Variants in KCNK12 observed in about 807,000 individuals in gnomAD.
KCNK12 encodes the protein potassium channel subfamily K member 12.
A neutral mutation model predicts 25.3 loss-of-function variants in KCNK12; 6 were observed. That is an observed-to-expected ratio of 0.24 (90% CI 0.13 to 0.47). The LOEUF is 0.47. KCNK12 is among the 20% of genes least tolerant of loss of function. The probability of loss-of-function intolerance (pLI) is 0.99; values close to 1 mark genes in which losing one functional copy is unlikely to be tolerated. For missense variants in KCNK12, 444 were observed against 661.7 expected, an observed-to-expected ratio of 0.67 and a Z score of 3.61; for synonymous variants, 331 against 311.1, an observed-to-expected ratio of 1.06 and a Z score of -0.67.
intron 1 of KCNK12, among the ~76,000 whole-genome samples, chr2:47,527,371 C>G (rs1668806305): frequency 6.6e-6 from 1 of 152,202 alleles, no homozygotes; most frequent in Non-Finnish European, 1.5e-5. Flanking sequence ...AGACTCATAA[C>G]CTCCCCGTGG....
chr2:47,560,786 C>T lies in KCNK12; in HGVS notation c.391+9155G>A, dbSNP rs1440363478. 1.3e-5 allele frequency among the ~76,000 whole-genome samples: 2 copies of T among 152,180 alleles called. No homozygotes were observed. Among genetic ancestry groups the T allele is most frequent in the Admixed American group, 1.3e-4 (2 of 15,270 alleles). On this transcript the variant is annotated intron_variant, in intron 1 of 1. Coordinates refer to ENST00000327876, the MANE Select transcript of KCNK12 (RefSeq NM_022055.2). The surrounding 1 kb of genome is among the most constrained non-coding windows in gnomAD (Gnocchi z 4.7). ...TCAATCAGGGAGACCAACAATGCCT[C>T]AGTTATCCCCCTCACTCCCCAGAAC...
intron 1 of KCNK12, among the ~76,000 whole-genome samples, chr2:47,554,924 A>G (rs1415422303): frequency 6.6e-6 from 1 of 152,130 alleles, no homozygotes; most frequent in African/African-American, 2.4e-5. Context: ...GATGAATTGG[A>G]TATGAAAGTT....
chr2:47,539,318 T>C (rs1028511946), intron 1 of KCNK12, among the ~76,000 whole-genome samples: 2 of 152,262 alleles, frequency 1.3e-5, no homozygotes, highest in African/African-American at 4.8e-5. Context: ...GTTTGTGTTT[T>C]GTTCATAGTG....
chr2:47,546,701 A>C (rs1669321433), intron 1 of KCNK12, among the ~76,000 whole-genome samples: 1 of 152,148 alleles, frequency 6.6e-6, no homozygotes, highest in Admixed American at 6.6e-5. Context: ...TGATTATTTA[A>C]TTACCTCAAT....
Position 47,540,340 on chromosome 2 carries a change from G to A in KCNK12, c.392-18532C>T, listed in dbSNP as rs910892362. Among the ~76,000 whole-genome samples the A allele has an allele frequency of 6.6e-6, 1 of 152,218 alleles. No homozygotes were observed. Among genetic ancestry groups the A allele is most frequent in the African/African-American group, 2.4e-5 (1 of 41,448 alleles). On this transcript the variant is annotated intron_variant, in intron 1 of 1. Transcript: ENST00000327876. This position sits in a 1 kb window ranked among gnomAD's most constrained non-coding sequence, Gnocchi z 5.4. ...GGTGTAGTCACTGTGCCAGGGGGCTGAGTGTCCGGCCTGGGACGTGAGAGG... is the reference window on the plus strand; with the variant it reads ...GGTGTAGTCACTGTGCCAGGGGGCTAAGTGTCCGGCCTGGGACGTGAGAGG...
Position 47,548,632 on chromosome 2 carries a change from G to A in KCNK12, c.391+21309C>T, listed in dbSNP as rs774804411. On this transcript the variant is annotated intron_variant, in intron 1 of 1. Coordinates refer to ENST00000327876, the MANE Select transcript of KCNK12 (RefSeq NM_022055.2). This position sits in a 1 kb window ranked among gnomAD's most constrained non-coding sequence, Gnocchi z 4.4. ...GACTTTCGCTTCAGGCCACGAGGGC[G>A]TAGCTGAATCCAGACTTCCCTCCCA... Among the ~76,000 whole-genome samples the A allele has an allele frequency of 6.6e-6, 1 of 152,214 alleles. No individual in the cohort carries two copies. Among genetic ancestry groups the A allele is most frequent in the African/African-American group, 2.4e-5 (1 of 41,450 alleles).
In KCNK12 at chr2:47,512,757, G is replaced by C. The variant is rs780803345; in HGVS notation, c.*8150C>G. The C allele has an allele frequency of 4.3e-6, 1 of 230,056 alleles. No individual in the cohort carries two copies. Among genetic ancestry groups the C allele is most frequent in the Admixed American group, 5.1e-5 (1 of 19,520 alleles). 14.3% of individuals were successfully genotyped at this position (230,056 alleles called of 1,614,324 possible). Reference sequence around the variant, plus strand: ...TCCAAACAGGTTTACCACTGGGAGAGCCTGTTGGTTGGGGAGGGCAGGAAG... The same window carrying C: ...TCCAAACAGGTTTACCACTGGGAGACCCTGTTGGTTGGGGAGGGCAGGAAG... On this transcript the variant is annotated 3_prime_UTR_variant, in exon 2 of 2. Coordinates refer to ENST00000327876, the MANE Select transcript of KCNK12 (RefSeq NM_022055.2).
Position 47,512,218 on chromosome 2 carries a change from C to T in KCNK12, c.*8689G>A. The stretch of plus-strand genomic sequence containing the variant: ...CAAACTGTCTAAGCTGGGTCAGGTA[C>T]TCTGCAGATGTTTGCTGAGTATCGT... On this transcript the variant is annotated 3_prime_UTR_variant, in exon 2 of 2. Coordinates refer to ENST00000327876, the MANE Select transcript of KCNK12 (RefSeq NM_022055.2). 6.6e-7 allele frequency: 1 copy of T among 1,516,052 alleles called. No homozygotes were observed. The highest frequency in any genetic ancestry group is 9.0e-7 in the Non-Finnish European group (1 of 1,114,668). 93.9% of individuals were successfully genotyped at this position (1,516,052 alleles called of 1,614,324 possible).
At position 47,518,414 on chromosome 2, in the gene KCNK12, C is replaced by G. The variant is rs1220888190; in HGVS notation, c.*2493G>C. 3 of 152,234 alleles carry G rather than the reference C, an allele frequency of 2.0e-5. No homozygotes were observed. Among genetic ancestry groups the G allele is most frequent in the Non-Finnish European group, 4.4e-5 (3 of 68,058 alleles). The allele number at this position is 152,234 out of a possible 1,614,324, so 9.4% of individuals were successfully genotyped here. A position where few individuals can be genotyped will look rare whatever the true frequency, so the allele number is the denominator to read the frequency against. ...CTTACCATTCCTTTAGAAGATTGCT[C>G]AAGCTGCCTCCAATTGCCTCTTTCC... On this transcript the variant is annotated 3_prime_UTR_variant, in exon 2 of 2. Coordinates refer to ENST00000327876, the MANE Select transcript of KCNK12 (RefSeq NM_022055.2). The surrounding 1 kb of genome is among the most constrained non-coding windows in gnomAD (Gnocchi z 4.1).
chr2:47,562,851 G>A lies in KCNK12; in HGVS notation c.391+7090C>T, dbSNP rs80124012. ...TGTCTCTTAAAAAAACTTTGGTGAG[G>A]ATCAGAGGCTGGACTCTGCCCAAAG... On this transcript the variant is annotated intron_variant, in intron 1 of 1. Coordinates refer to ENST00000327876, the MANE Select transcript of KCNK12 (RefSeq NM_022055.2). This position sits in a 1 kb window ranked among gnomAD's most constrained non-coding sequence, Gnocchi z 4.8. 4,642 of 233,178 alleles carry A rather than the reference G, an allele frequency of 0.02. 251 individuals carry two copies. Among genetic ancestry groups the A allele is most frequent in the East Asian group, 0.16 (2,703 of 16,562 alleles). 14.4% of individuals were successfully genotyped at this position (233,178 alleles called of 1,614,324 possible). A position where few individuals can be genotyped will look rare whatever the true frequency, so the allele number is the denominator to read the frequency against.
intron 1 of KCNK12, among the ~76,000 whole-genome samples, chr2:47,536,436 C>T (rs1669068443): frequency 6.6e-6 from 1 of 152,180 alleles, no homozygotes. Context: ...TGCTAAATTC[C>T]CAACAGAACT....
rs1389596351 is a variant in KCNK12 at position 47,547,991 on chromosome 2, A to T, written c.391+21950T>A. ...GGTGGATTTCCCCCTTGCCGTTCTC[A>T]TGATAGTAAGTTCTCATGAGATCTG... On this transcript the variant is annotated intron_variant, in intron 1 of 1. Coordinates refer to ENST00000327876, the MANE Select transcript of KCNK12 (RefSeq NM_022055.2). This position sits in a 1 kb window ranked among gnomAD's most constrained non-coding sequence, Gnocchi z 5.0. Among the ~76,000 whole-genome samples the T allele has an allele frequency of 6.6e-6, 1 of 152,094 alleles. No homozygotes were observed.
At position 47,512,201 on chromosome 2, in the gene KCNK12, C is replaced by T; in HGVS notation, c.*8706G>A. 1 of 1,396,570 alleles carries T rather than the reference C, an allele frequency of 7.2e-7. No individual in the cohort carries two copies. The highest frequency in any genetic ancestry group is 9.7e-7 in the Non-Finnish European group (1 of 1,027,570). The allele number at this position is 1,396,570 out of a possible 1,614,324, so 86.5% of individuals were successfully genotyped here. On this transcript the variant is annotated 3_prime_UTR_variant, in exon 2 of 2. Transcript: ENST00000327876. ...GAGAAAAAAGAATTGAACAAACTGT[C>T]TAAGCTGGGTCAGGTACTCTGCAGA...
At position 47,528,049 on chromosome 2, in the gene KCNK12, G is replaced by T. The variant is rs1668826399; in HGVS notation, c.392-6241C>A. 6.6e-6 allele frequency among the ~76,000 whole-genome samples: 1 copy of T among 152,184 alleles called. No homozygotes were observed. Among genetic ancestry groups the T allele is most frequent in the African/African-American group, 2.4e-5 (1 of 41,448 alleles). ...GACAGGGCGCATATAGTCTGGGCCA[G>T]AACTTGTCCTGGGGTCTTCTTACGG... On this transcript the variant is annotated intron_variant, in intron 1 of 1. Transcript: ENST00000327876. This position sits in a 1 kb window ranked among gnomAD's most constrained non-coding sequence, Gnocchi z 4.5.
chr2:47,546,906 G>A (rs934276180), intron 1 of KCNK12, among the ~76,000 whole-genome samples: 1 of 151,974 alleles, frequency 6.6e-6, no homozygotes, highest in Non-Finnish European at 1.5e-5. Context: ...ACAGCTCAGA[G>A]GGAGTACAGC....
rs1199017747 is a variant in KCNK12, at chr2:47,565,324, A to C, written c.391+4617T>G. On this transcript the variant is annotated intron_variant, in intron 1 of 1. Transcript: ENST00000327876. This position sits in a 1 kb window ranked among gnomAD's most constrained non-coding sequence, Gnocchi z 5.0. ...AATGTGGTAGTGACATTTTGGGCTT[A>C]TAATGTCTTAGTTTCCTTTGTAGCA... The C allele has an allele frequency of 6.6e-6, 1 of 152,236 alleles. No individual in the cohort carries two copies. Among genetic ancestry groups the C allele is most frequent in the African/African-American group, 2.4e-5 (1 of 41,458 alleles). 9.4% of individuals were successfully genotyped at this position (152,236 alleles called of 1,614,324 possible).
chr2:47,543,141 G>T (rs1418885165), intron 1 of KCNK12, among the ~76,000 whole-genome samples: 1 of 152,030 alleles, frequency 6.6e-6, no homozygotes, highest in African/African-American at 2.4e-5. Context: ...TTGAGCAGAT[G>T]TATCAACGTA....
At chr2:47,535,348 C>G (rs957474371) in intron 1 of KCNK12, 7 of 233,290 alleles carry the variant, frequency 3.0e-5, no homozygotes, top group African/African-American at 4.4e-5. Flanking sequence ...ATGGGTCTCT[C>G]TCTCTTTTCA....
chr2:47,521,823 C>T lies in KCNK12; in HGVS notation c.392-15G>A. 1 of 1,503,322 alleles carries T rather than the reference C, an allele frequency of 6.7e-7. No homozygotes were observed. The highest frequency in any genetic ancestry group is 8.8e-7 in the Non-Finnish European group (1 of 1,131,132). 93.1% of individuals were successfully genotyped at this position (1,503,322 alleles called of 1,614,324 possible). On this transcript the variant is annotated splice_polypyrimidine_tract_variant and intron_variant, in intron 1 of 1. Coordinates refer to ENST00000327876, the MANE Select transcript of KCNK12 (RefSeq NM_022055.2). Reference sequence around the variant, plus strand: ...CATGCCGAAACCTGTGGAGACAGGGCAGGGTCAGCGCGGTCCTGGCCGCGC... The same window carrying T: ...CATGCCGAAACCTGTGGAGACAGGGTAGGGTCAGCGCGGTCCTGGCCGCGC...
Sources: gnomAD v4.1 joint callset for allele counts (sites outside exome capture counted in the v4.1 genomes callset) on GRCh38, gnomAD v4.1.1 for gene constraint, Gnocchi (gnomAD v3.1) non-coding constraint, MANE v1.5 for transcripts, NCBI Gene and HGNC (gene_info 2026-07-23, HGNC 2026-07-21) for gene names.